Variants in RNF11 observed in about 807,000 individuals in gnomAD.
RNF11 encodes the protein ring finger protein 11.
RNF11 carries 4 observed loss-of-function variants against 15.8 expected under a neutral mutation model. The ratio of observed to expected loss-of-function variants is 0.25; its 90% confidence interval spans 0.12 to 0.58. The LOEUF (loss-of-function observed/expected upper bound fraction) is 0.58. RNF11 is among the 20% of genes least tolerant of loss of function. The pLI is 0.91. For synonymous variants in RNF11, 68 were observed against 72.3 expected, an observed-to-expected ratio of 0.94 and a Z score of 0.30; for missense variants, 139 against 194.4, an observed-to-expected ratio of 0.71 and a Z score of 1.70.
intron 1 of RNF11, among the ~76,000 whole-genome samples, chr1:51,252,335 A>G (rs960460431): frequency 6.6e-6 from 1 of 152,192 alleles, no homozygotes; most frequent in Non-Finnish European, 1.5e-5. Flanking sequence ...CATGGGGCAT[A>G]TACCCGTAAT....
At chr1:51,259,900 C>T (rs934325523) in intron 1 of RNF11, among the ~76,000 whole-genome samples, 3 of 152,204 alleles carry the variant, frequency 2.0e-5, no homozygotes, top group African/African-American at 4.8e-5. Flanking sequence ...TTATCGCATT[C>T]TCTTTGTGCT....
chr1:51,260,120 T>C (rs955239365), intron 1 of RNF11, among the ~76,000 whole-genome samples: 1 of 152,208 alleles, frequency 6.6e-6, no homozygotes, highest in African/African-American at 2.4e-5. Flanking sequence ...GTGAATTAGT[T>C]TTTAACATAC....
rs572084907 is a variant in RNF11, at chr1:51,242,897, G to GGCCTTATT, written c.123+6019_123+6026dup. Among the ~76,000 whole-genome samples, 753 of 152,146 alleles carry GGCCTTATT rather than the reference G, an allele frequency of 4.9e-3. 5 individuals carry two copies. Among genetic ancestry groups the GGCCTTATT allele is most frequent in the African/African-American group, 7.8e-3 (323 of 41,486 alleles). ...TCTCCAAATTTATTTCACGTATCTA[G>GGCCTTATT]GCCTTATTATACAATTATTCAGCTT... On this transcript the variant is annotated intron_variant, in intron 1 of 2. Transcript: ENST00000242719.
rs544842668 is a variant in RNF11, at chr1:51,272,225, G to A, written c.*903G>A. The A allele has an allele frequency of 2.0e-5, 3 of 152,692 alleles. No individual in the cohort carries two copies. The East Asian group carries it at 5.8e-4, about 29-fold the overall frequency. 9.5% of individuals were successfully genotyped at this position (152,692 alleles called of 1,614,324 possible). A position where few individuals can be genotyped will look rare whatever the true frequency, so the allele number is the denominator to read the frequency against. On this transcript the variant is annotated 3_prime_UTR_variant, in exon 3 of 3. Transcript: ENST00000242719. ...ATGTAAAAATGAAGGTGGCACCGTG[G>A]TGAGACCTAATGAGAAATAGTTACT...
intron 1 of RNF11, among the ~76,000 whole-genome samples, chr1:51,262,715 C>CTTTTTTTTTTTTTTTTTTTTTTT (rs35542254): frequency 1.2e-5 from 1 of 84,084 alleles, no homozygotes; most frequent in African/African-American, 4.9e-5. Flanking sequence ...GCCTGCTAAT[C>CTTTTTTTTTTTTTTTTTTTTTTT]TTTTTTTTTT....
intron 1 of RNF11, among the ~76,000 whole-genome samples, chr1:51,257,125 T>A (rs1384820906): frequency 6.6e-6 from 1 of 152,208 alleles, no homozygotes; most frequent in African/African-American, 2.4e-5. Flanking sequence ...TTCTCAGTGC[T>A]TCTCAGTACC....
chr1:51,242,768 T>C (rs933457419), intron 1 of RNF11, among the ~76,000 whole-genome samples: 9 of 152,170 alleles, frequency 5.9e-5, no homozygotes, highest in Non-Finnish European at 2.9e-5. Flanking sequence ...CCTGTAATGG[T>C]ATATTAATGC....
rs75789812 is a variant in RNF11, at chr1:51,246,045, C to T, written c.123+9166C>T. ...CTTTGGGAGGCTGAGGTGGGCGGGT[C>T]ACCTGAGGTTAGGAGTTTGAGACCA... On this transcript the variant is annotated intron_variant, in intron 1 of 2. Transcript: ENST00000242719. 8.8e-3 allele frequency among the ~76,000 whole-genome samples: 1,342 copies of T among 152,022 alleles called. 15 individuals carry two copies. The highest frequency in any genetic ancestry group is 0.031 in the African/African-American group (1,290 of 41,450).
At chr1:51,252,572 G>A (rs747709781) in intron 1 of RNF11, among the ~76,000 whole-genome samples, 13 of 152,010 alleles carry the variant, frequency 8.6e-5, no homozygotes, top group South Asian at 2.1e-4. Context: ...CCAAGATTGC[G>A]TCATTGCACT....
chr1:51,242,656 G>T (rs908879452), intron 1 of RNF11, among the ~76,000 whole-genome samples: 8 of 151,904 alleles, frequency 5.3e-5, no homozygotes, highest in Non-Finnish European at 2.9e-5. Flanking sequence ...TTTAGAGATG[G>T]AGTCTCACTT....
intron 1 of RNF11, among the ~76,000 whole-genome samples, chr1:51,252,684 A>G (rs1646885213): frequency 1.3e-5 from 2 of 152,168 alleles, no homozygotes; most frequent in African/African-American, 4.8e-5. Flanking sequence ...CCCCATGTTC[A>G]AGGGTCAACT....
At chr1:51,263,543 C>G (rs1458058046) in intron 1 of RNF11, among the ~76,000 whole-genome samples, 1 of 152,194 alleles carries the variant, frequency 6.6e-6, no homozygotes, top group African/African-American at 2.4e-5. Flanking sequence ...CAGCTCATTT[C>G]ATTTCTCTGC....
chr1:51,255,407 A>C (rs191930298), intron 1 of RNF11, among the ~76,000 whole-genome samples: 115 of 152,250 alleles, frequency 7.6e-4, no homozygotes, highest in Non-Finnish European at 7.8e-4. Flanking sequence ...CTAGAGGTGC[A>C]TGCCACCACA....
intron 1 of RNF11, chr1:51,265,297 C>G (rs1226592951): frequency 1.3e-5 from 2 of 149,162 alleles, no homozygotes; most frequent in Non-Finnish European, 3.0e-5. Flanking sequence ...GCATTCCAGC[C>G]TGGGTGACAG....
intron 1 of RNF11, among the ~76,000 whole-genome samples, chr1:51,246,563 G>A (rs1646852425): frequency 6.6e-6 from 1 of 151,704 alleles, no homozygotes; most frequent in African/African-American, 2.4e-5. Flanking sequence ...GAGTGAATGG[G>A]GGCATGGGGA....
chr1:51,257,298 A>G (rs1209194025), intron 1 of RNF11, among the ~76,000 whole-genome samples: 1 of 152,220 alleles, frequency 6.6e-6, no homozygotes, highest in Admixed American at 6.5e-5. Flanking sequence ...ATGCTCTGGC[A>G]TATTTAAAAT....
At position 51,271,430 on chromosome 1, in the gene RNF11, G is replaced by T. The variant is rs1308756685; in HGVS notation, c.*108G>T. The T allele has an allele frequency of 3.3e-6, 3 of 896,136 alleles. No homozygotes were observed. The highest frequency in any genetic ancestry group is 4.8e-6 in the Non-Finnish European group (3 of 626,130). The allele number at this position is 896,136 out of a possible 1,614,324, so 55.5% of individuals were successfully genotyped here. A position where few individuals can be genotyped will look rare whatever the true frequency, so the allele number is the denominator to read the frequency against. On this transcript the variant is annotated 3_prime_UTR_variant, in exon 3 of 3. Transcript: ENST00000242719. ...TTAGGAATTAAGATCGTGCACAAAAGTTTCCTTAAAATTCCTGGATGGCTG... is the reference window on the plus strand; with the variant it reads ...TTAGGAATTAAGATCGTGCACAAAATTTTCCTTAAAATTCCTGGATGGCTG...
chr1:51,270,684 A>T (rs1344054962), intron 2 of RNF11, among the ~76,000 whole-genome samples: 1 of 152,196 alleles, frequency 6.6e-6, no homozygotes, highest in Non-Finnish European at 1.5e-5. Context: ...CTCTAGGATT[A>T]CTCTAAATAG....
chr1:51,262,432 T>TG (rs1233592809), intron 1 of RNF11, among the ~76,000 whole-genome samples: 2 of 152,362 alleles, frequency 1.3e-5, no homozygotes, highest in East Asian at 3.8e-4. Context: ...CTTAGGATAC[T>TG]GAAAGTAAAA....
Sources: gnomAD v4.1 joint callset for allele counts (sites outside exome capture counted in the v4.1 genomes callset) on GRCh38, gnomAD v4.1.1 for gene constraint, MANE v1.5 for transcripts, NCBI Gene and HGNC (gene_info 2026-07-23, HGNC 2026-07-21) for gene names.